ATP2B2: variants seen among roughly 807,000 people sequenced by gnomAD.
ATP2B2 encodes the protein plasma membrane calcium-transporting ATPase 2.
A neutral mutation model predicts 120.0 loss-of-function variants in ATP2B2; 15 were observed. The ratio of observed to expected loss-of-function variants is 0.12; its 90% CI spans 0.08 to 0.19. The LOEUF (loss-of-function observed/expected upper bound fraction) is 0.19, where lower values mean the gene tolerates loss of function less well. Among genes scored for constraint, ATP2B2 ranks in the 10% least tolerant of loss-of-function variants. The pLI, the probability that ATP2B2 is intolerant of heterozygous loss-of-function variation, is 1.00. For missense variants in ATP2B2, 1,045 were observed against 1,719.8 expected, an observed-to-expected ratio of 0.61 and a Z score of 6.94; for synonymous variants, 694 against 700.3, an observed-to-expected ratio of 0.99 and a Z score of 0.14.
chr3:10,487,747 C>T (rs536339173), intron 1 of ATP2B2, among the ~76,000 whole-genome samples: 1 of 152,306 alleles, frequency 6.6e-6, no homozygotes, highest in Non-Finnish European at 1.5e-5. Flanking sequence ...GAATCACGAG[C>T]TTGGGCCATG....
chr3:10,506,242 C>T (rs2066621779), upstream of ATP2B2, among the ~76,000 whole-genome samples: 1 of 152,124 alleles, frequency 6.6e-6, no homozygotes, highest in Non-Finnish European at 1.5e-5. Context: ...AGCGCTACCC[C>T]TGCGACCCGC....
intron 2 of ATP2B2, among the ~76,000 whole-genome samples, chr3:10,579,105 G>A (rs1559468538): frequency 6.6e-6 from 1 of 152,206 alleles, no homozygotes; most frequent in Non-Finnish European, 1.5e-5. Flanking sequence ...GGGATGGGGA[G>A]GACCAGGCCT....
At chr3:10,453,874 A>C (rs2064155206) in intron 1 of ATP2B2, among the ~76,000 whole-genome samples, 1 of 127,892 alleles carries the variant, frequency 7.8e-6, no homozygotes, top group African/African-American at 3.0e-5. Context: ...CCACACACCC[A>C]CCCATCCACC....
chr3:10,399,733 C>A (rs2062156775), intron 5 of ATP2B2, among the ~76,000 whole-genome samples: 1 of 152,206 alleles, frequency 6.6e-6, no homozygotes, highest in Non-Finnish European at 1.5e-5. Context: ...CAGGACATTG[C>A]ACACTCCTTC....
intron 2 of ATP2B2, among the ~76,000 whole-genome samples, chr3:10,443,943 C>G (rs1348920339): frequency 2.0e-5 from 3 of 152,226 alleles, no homozygotes; most frequent in Non-Finnish European, 2.9e-5. Context: ...AGGTCTCCCA[C>G]ATACTTAGTG....
chr3:10,679,227 T>A (rs139694297), intron 1 of ATP2B2, among the ~76,000 whole-genome samples: 1 of 152,330 alleles, frequency 6.6e-6, no homozygotes, highest in East Asian at 1.9e-4. Context: ...GTATGGAAAC[T>A]GTGAGATAAT....
chr3:10,629,710 C>T (rs2125636427), intron 1 of ATP2B2, among the ~76,000 whole-genome samples: 1 of 152,362 alleles, frequency 6.6e-6, no homozygotes, highest in East Asian at 1.9e-4. Flanking sequence ...CCTGCATGCG[C>T]TCATTCTAAA....
intron 2 of ATP2B2, among the ~76,000 whole-genome samples, chr3:10,613,409 C>A (rs577372867): frequency 6.6e-6 from 1 of 152,122 alleles, no homozygotes; most frequent in African/African-American, 2.4e-5. Flanking sequence ...GTCAGAACTG[C>A]GGGCAGCTTG....
At chr3:10,468,415 T>A (rs1208022581) in intron 1 of ATP2B2, among the ~76,000 whole-genome samples, 1 of 152,262 alleles carries the variant, frequency 6.6e-6, no homozygotes, top group Non-Finnish European at 1.5e-5. Flanking sequence ...CCGCATCACC[T>A]GCTGTTAGGA....
chr3:10,332,855 G>A (rs955566109), intron 22 of ATP2B2, among the ~76,000 whole-genome samples: 3 of 152,204 alleles, frequency 2.0e-5, no homozygotes, highest in African/African-American at 7.2e-5. Context: ...CATCTGTGAA[G>A]TAAAGGGAGT....
chr3:10,539,926 C>T (rs1178399331), intron 2 of ATP2B2, among the ~76,000 whole-genome samples: 2 of 152,154 alleles, frequency 1.3e-5, no homozygotes. Context: ...TCAGAGTGAA[C>T]AGGCAACCTA....
chr3:10,616,348 G>T (rs1336697429), intron 2 of ATP2B2, among the ~76,000 whole-genome samples: 1 of 152,204 alleles, frequency 6.6e-6, no homozygotes, highest in Non-Finnish European at 1.5e-5. Flanking sequence ...GGATATAGGA[G>T]AAGTCAGCTG....
intron 1 of ATP2B2, among the ~76,000 whole-genome samples, chr3:10,662,229 A>G (rs1208810102): frequency 2.0e-5 from 3 of 152,138 alleles, no homozygotes; most frequent in African/African-American, 7.2e-5. Flanking sequence ...ACAAAAGCCA[A>G]AATTGACAAA....
chr3:10,404,695 G>A (rs909755242), intron 3 of ATP2B2, among the ~76,000 whole-genome samples: 1 of 152,178 alleles, frequency 6.6e-6, no homozygotes, highest in Non-Finnish European at 1.5e-5. Flanking sequence ...ATATGATGAC[G>A]GGAGGAGAGG....
chr3:10,475,340 C>T (rs1258793165), intron 1 of ATP2B2, among the ~76,000 whole-genome samples: 1 of 152,164 alleles, frequency 6.6e-6, no homozygotes, highest in Non-Finnish European at 1.5e-5. Context: ...GCTCCCCCAC[C>T]CTCTGGGCTA....
intron 2 of ATP2B2, among the ~76,000 whole-genome samples, chr3:10,539,091 G>C (rs1427958745): frequency 2.0e-5 from 3 of 152,032 alleles, no homozygotes; most frequent in Non-Finnish European, 4.4e-5. Flanking sequence ...AATAGACAGA[G>C]AGCCAAATCA....
chr3:10,458,062 T>C (rs1311368689), intron 1 of ATP2B2, among the ~76,000 whole-genome samples: 1 of 152,138 alleles, frequency 6.6e-6, no homozygotes, highest in African/African-American at 2.4e-5. Context: ...CATCCATCCA[T>C]CCAACCATCC....
chr3:10,662,255 C>T (rs1186184513), intron 1 of ATP2B2, among the ~76,000 whole-genome samples: 2 of 151,898 alleles, frequency 1.3e-5, no homozygotes, highest in African/African-American at 4.8e-5. Flanking sequence ...TCTAATTAAA[C>T]TAAAGAGCTT....
intron 1 of ATP2B2, among the ~76,000 whole-genome samples, chr3:10,658,827 T>A (rs2070706900): frequency 6.6e-6 from 1 of 151,846 alleles, no homozygotes; most frequent in Admixed American, 6.6e-5. Flanking sequence ...GGAAAAAATG[T>A]TAAGGGCAGC....
Sources: allele counts gnomAD v4.1 joint callset (sites outside exome capture counted in the v4.1 genomes callset), GRCh38; gene constraint gnomAD v4.1.1; transcripts MANE v1.5; gene names NCBI Gene and HGNC (gene_info 2026-07-23, HGNC 2026-07-21).